USP25: variants seen among roughly 807,000 people sequenced by gnomAD.
USP25 encodes ubiquitin specific peptidase 25, also known as ubiquitin carboxyl-terminal hydrolase 25.
In USP25, 85 loss-of-function variants were observed where a neutral mutation model predicts 158.5. That is an observed-to-expected ratio of 0.54 (90% CI 0.45 to 0.64). USP25 has a LOEUF of 0.64. Among genes scored for constraint, USP25 ranks in the 30% least tolerant of loss-of-function variants. The probability of loss-of-function intolerance (pLI) is 0.00; values close to 1 mark genes in which losing one functional copy is unlikely to be tolerated. For missense variants in USP25, 1,242 were observed against 1,327.3 expected (o/e 0.94, Z 1.00); for synonymous variants, 464 against 460.4 (o/e 1.01, Z -0.10).
chr21:15,783,819 A>T (rs2035111755), intron 4 of USP25, among the ~76,000 whole-genome samples: 1 of 151,602 alleles, frequency 6.6e-6, no homozygotes, highest in Non-Finnish European at 1.5e-5. Flanking sequence ...AAATACAAAA[A>T]ATTAGCCAGG....
Position 15,826,121 on chromosome 21 carries a change from C to A in USP25, c.1305-83C>A. On this transcript the variant is annotated intron_variant, in intron 12 of 25. Transcript: ENST00000400183. This position sits in a 1 kb window ranked among gnomAD's most constrained non-coding sequence, Gnocchi z 4.8. ...TGCTGAGGAAGTTTTATTGAAGTAT[C>A]GTATCACGTTTTATAATAATAATAA... The A allele has an allele frequency of 1.5e-6, 2 of 1,365,824 alleles. No individual in the cohort carries two copies. The highest frequency in any genetic ancestry group is 2.4e-5 in the East Asian group (1 of 41,820). The allele number at this position is 1,365,824 out of a possible 1,614,324, so 84.6% of individuals were successfully genotyped here.
At chr21:15,802,839 C>A (rs2036198203) in intron 6 of USP25, among the ~76,000 whole-genome samples, 1 of 151,400 alleles carries the variant, frequency 6.6e-6, no homozygotes, top group Non-Finnish European at 1.5e-5. Context: ...ATCAGAAAAA[C>A]AATACAGAAA....
chr21:15,867,736 A>G (rs993839423), intron 22 of USP25, among the ~76,000 whole-genome samples: 3 of 152,160 alleles, frequency 2.0e-5, no homozygotes, highest in Non-Finnish European at 2.9e-5. Flanking sequence ...ATGAGAAAGT[A>G]TAAAAGTGAG....
chr21:15,750,068 G>A (rs2032866932), intron 1 of USP25, among the ~76,000 whole-genome samples: 1 of 152,036 alleles, frequency 6.6e-6, no homozygotes, highest in Non-Finnish European at 1.5e-5. Context: ...GTTAGAGGGT[G>A]AGAACTTTCA....
At position 15,766,163 on chromosome 21, in the gene USP25, ATTATT is replaced by A; in HGVS notation, c.268+26_268+30del. 1 of 1,575,654 alleles carries A rather than the reference ATTATT, an allele frequency of 6.3e-7. No homozygotes were observed. The highest frequency in any genetic ancestry group is 8.6e-7 in the Non-Finnish European group (1 of 1,168,572). The stretch of plus-strand genomic sequence containing the variant: ...ACAAGTAAGTTTTCTTTCTTTTCTT[ATTATT>A]TTAATAGAAACATACTGAAAAACTT... On this transcript the variant is annotated intron_variant, in intron 3 of 25. Transcript: ENST00000400183. The surrounding 1 kb of genome is among the most constrained non-coding windows in gnomAD (Gnocchi z 4.0).
intron 4 of USP25, 119 bp downstream of exon 4, chr21:15,778,146 T>C (rs2034766055): frequency 2.1e-6 from 2 of 933,926 alleles, no homozygotes; most frequent in Non-Finnish European, 2.9e-6. Context: ...ACTAGTAATA[T>C]GCTTGTGTAT....
Position 15,824,772 on chromosome 21 carries a change from G to A in USP25, c.1209-194G>A, listed in dbSNP as rs1601036035. Among the ~76,000 whole-genome samples the A allele has an allele frequency of 2.6e-5, 4 of 152,080 alleles. No individual in the cohort carries two copies. The South Asian group carries it at 8.3e-4, about 32-fold the overall frequency. On this transcript the variant is annotated intron_variant, in intron 11 of 25. Transcript: ENST00000400183. ...GCTGGGATTACAGACACCCACCATC[G>A]TGGCTGGCTAATTTTTGTATTTTAG... is the stretch of plus-strand genomic sequence containing the variant.
intron 10 of USP25, among the ~76,000 whole-genome samples, chr21:15,820,829 T>C (rs1308824497): frequency 6.6e-6 from 1 of 151,924 alleles, no homozygotes; most frequent in Non-Finnish European, 1.5e-5. Context: ...TCTTATTTGC[T>C]GAAATAGCTG....
At position 15,736,914 on chromosome 21, in the gene USP25, CT is replaced by C. The variant is rs76186194; in HGVS notation, c.45+6489del. On this transcript the variant is annotated intron_variant, in intron 1 of 25. Coordinates refer to ENST00000400183, the MANE Select transcript of USP25 (RefSeq NM_001283041.3). ...TTTTTGATGGTTTGATGCCACTCTGCTTTTTTTTTTTTTCCAGATAAGTTAA... is the reference window on the plus strand; with the variant it reads ...TTTTTGATGGTTTGATGCCACTCTGCTTTTTTTTTTTTCCAGATAAGTTAA... Among the ~76,000 whole-genome samples, 406 of 125,320 alleles carry C rather than the reference CT, an allele frequency of 3.2e-3. 2 individuals carry two copies. Among genetic ancestry groups the C allele is most frequent in the South Asian group, 0.015 (61 of 4,044 alleles). 82.2% of individuals were successfully genotyped at this position (125,320 alleles called of 152,430 possible). A position where few individuals can be genotyped will look rare whatever the true frequency, so the allele number is the denominator to read the frequency against.
chr21:15,879,183 A>G lies in USP25; in HGVS notation c.*708A>G, dbSNP rs572052730. On this transcript the variant is annotated 3_prime_UTR_variant, in exon 26 of 26. Transcript: ENST00000400183. The stretch of plus-strand genomic sequence containing the variant: ...TGGTTGATTTTTTTTAAGTCAAACT[A>G]CACTGAAACTTTTATCCTTTTCTTA... 67 of 152,658 alleles carry G rather than the reference A, an allele frequency of 4.4e-4. No individual in the cohort carries two copies. Among genetic ancestry groups the G allele is most frequent in the African/African-American group, 1.5e-3 (63 of 41,566 alleles). The allele number at this position is 152,658 out of a possible 1,614,324, so 9.5% of individuals were successfully genotyped here.
intron 1 of USP25, among the ~76,000 whole-genome samples, chr21:15,752,689 T>C (rs931146707): frequency 1.5e-4 from 23 of 152,338 alleles, no homozygotes; most frequent in African/African-American, 5.5e-4. Flanking sequence ...TCATTTCTTT[T>C]TTCTGGATTG....
At chr21:15,819,038 A>C (rs2037095734) in intron 10 of USP25, among the ~76,000 whole-genome samples, 192 bp downstream of exon 10, 3 of 152,156 alleles carry the variant, frequency 2.0e-5, no homozygotes, top group African/African-American at 7.2e-5. Flanking sequence ...ATCTATGTCA[A>C]ATTCTCACTT....
In USP25 at chr21:15,826,162, G is replaced by T. The variant is rs764466737; in HGVS notation, c.1305-42G>T. 9.4e-6 allele frequency: 15 copies of T among 1,595,208 alleles called. No homozygotes were observed. Among genetic ancestry groups the T allele is most frequent in the Middle Eastern group, 1.7e-4 (1 of 6,014 alleles). On this transcript the variant is annotated intron_variant, in intron 12 of 25. Transcript: ENST00000400183. This position sits in a 1 kb window ranked among gnomAD's most constrained non-coding sequence, Gnocchi z 4.8. ...ATAATAATAAAGGCCCAAATATGCTGTATATAGAAATAAAAGCATTTGTAC... is the reference window on the plus strand; with the variant it reads ...ATAATAATAAAGGCCCAAATATGCTTTATATAGAAATAAAAGCATTTGTAC...
At chr21:15,777,794 T>C in intron 3 of USP25, 110 bp from the exon 4 acceptor site, 1 of 930,428 alleles carries the variant, frequency 1.1e-6, no homozygotes. Flanking sequence ...AATACAAAAT[T>C]AGTTGGTACT....
intron 1 of USP25, chr21:15,744,384 TG>T (rs1321609254): frequency 6.6e-6 from 1 of 152,474 alleles, no homozygotes; most frequent in East Asian, 1.9e-4. Context: ...TGGAGTGCAG[TG>T]GTGCAATCTG....
intron 19 of USP25, among the ~76,000 whole-genome samples, chr21:15,848,187 A>G (rs544325319): frequency 7.0e-4 from 107 of 152,238 alleles, no homozygotes; most frequent in African/African-American, 2.5e-3. Flanking sequence ...ATCCCACAGC[A>G]TGATTGCAGG....
chr21:15,860,305 A>G (rs1273202374), intron 20 of USP25, among the ~76,000 whole-genome samples: 2 of 152,060 alleles, frequency 1.3e-5, no homozygotes, highest in Non-Finnish European at 2.9e-5. Context: ...GGCGCCCATC[A>G]CCATGCCTGG....
At chr21:15,836,519 G>C (rs113743715) in intron 17 of USP25, among the ~76,000 whole-genome samples, 2 of 149,762 alleles carry the variant, frequency 1.3e-5, no homozygotes, top group Admixed American at 1.3e-4. Context: ...GTGGGGATCA[G>C]AATGAGTAGG....
chr21:15,827,830 G>A (rs2037600973), intron 14 of USP25, among the ~76,000 whole-genome samples: 1 of 149,628 alleles, frequency 6.7e-6, no homozygotes, highest in Admixed American at 6.7e-5. Context: ...TCCTTTCTTG[G>A]AAGGAACTCT....
Sources: allele counts gnomAD v4.1 joint callset (sites outside exome capture counted in the v4.1 genomes callset), GRCh38; gene constraint gnomAD v4.1.1; non-coding constraint Gnocchi (gnomAD v3.1); transcripts MANE v1.5; gene names NCBI Gene and HGNC (gene_info 2026-07-23, HGNC 2026-07-21).